Variants in NEGR1 observed in about 807,000 individuals in gnomAD.
NEGR1 encodes the protein IgLON family member 4.
In NEGR1, 10 loss-of-function variants were observed where a neutral mutation model predicts 40.9. That is an observed-to-expected ratio of 0.24 (90% CI 0.15 to 0.42). The LOEUF is 0.42. NEGR1 is among the 10% of genes least tolerant of loss of function. NEGR1 has a pLI of 1.00. For missense variants in NEGR1, 352 were observed against 438.9 expected (o/e 0.80, Z 1.77); for synonymous variants, 185 against 166.8 (o/e 1.11, Z -0.84).
At chr1:71,898,258 T>C (rs1661026533) in intron 2 of NEGR1, among the ~76,000 whole-genome samples, 1 of 152,154 alleles carries the variant, frequency 6.6e-6, no homozygotes, top group Non-Finnish European at 1.5e-5. Flanking sequence ...TTTTTCTTAT[T>C]AATACATTTT....
At chr1:72,101,260 G>C (rs1462890086) in intron 1 of NEGR1, among the ~76,000 whole-genome samples, 1 of 152,072 alleles carries the variant, frequency 6.6e-6, no homozygotes, top group East Asian at 1.9e-4. Flanking sequence ...AAAAACCTAA[G>C]ATTCATCACA....
chr1:71,495,304 C>A (rs530974581), intron 6 of NEGR1, among the ~76,000 whole-genome samples: 29 of 151,838 alleles, frequency 1.9e-4, no homozygotes, highest in Non-Finnish European at 3.8e-4. Context: ...CATGGTGAAA[C>A]CCCATCTCTA....
intron 5 of NEGR1, among the ~76,000 whole-genome samples, chr1:71,594,963 G>C (rs182189962): frequency 6.6e-6 from 1 of 152,188 alleles, no homozygotes; most frequent in Non-Finnish European, 1.5e-5. Context: ...AAATTAACCA[G>C]GGCCTTCAAC....
At chr1:71,981,036 T>G (rs1408746085) in intron 1 of NEGR1, among the ~76,000 whole-genome samples, 2 of 152,158 alleles carry the variant, frequency 1.3e-5, no homozygotes, top group Non-Finnish European at 2.9e-5. Flanking sequence ...CCTCACTACT[T>G]ACAAACCAAA....
chr1:71,629,435 A>G (rs1214028860), intron 4 of NEGR1, among the ~76,000 whole-genome samples: 1 of 151,908 alleles, frequency 6.6e-6, no homozygotes, highest in Non-Finnish European at 1.5e-5. Context: ...TTCCCCTTGA[A>G]GAGGTCCTTC....
chr1:71,564,648 A>T (rs1195129455), intron 6 of NEGR1, among the ~76,000 whole-genome samples: 1 of 152,136 alleles, frequency 6.6e-6, no homozygotes, highest in Non-Finnish European at 1.5e-5. Context: ...TTGATAGTTC[A>T]AAGAAATAAG....
intron 1 of NEGR1, among the ~76,000 whole-genome samples, chr1:72,224,787 A>T (rs887849675): frequency 2.0e-5 from 3 of 151,962 alleles, no homozygotes; most frequent in African/African-American, 7.2e-5. Flanking sequence ...ATATACTTGA[A>T]TTTTTTTGCC....
chr1:71,822,305 T>A (rs532456833), intron 2 of NEGR1, among the ~76,000 whole-genome samples: 2 of 151,904 alleles, frequency 1.3e-5, no homozygotes, highest in Non-Finnish European at 2.9e-5. Context: ...AATGAGAAGA[T>A]CTACGTATTA....
chr1:71,759,919 A>G (rs1000528488), intron 3 of NEGR1, among the ~76,000 whole-genome samples: 2 of 152,026 alleles, frequency 1.3e-5, no homozygotes, highest in African/African-American at 4.8e-5. Context: ...CAAGATAATA[A>G]CTTTTAAACA....
intron 1 of NEGR1, among the ~76,000 whole-genome samples, chr1:71,988,311 G>A (rs1468207347): frequency 1.3e-5 from 2 of 152,178 alleles, no homozygotes; most frequent in South Asian, 4.2e-4. Flanking sequence ...AGGCCGAGGC[G>A]GGTGGATTAT....
chr1:71,442,698 T>G (rs748995330), intron 6 of NEGR1, among the ~76,000 whole-genome samples: 1 of 152,218 alleles, frequency 6.6e-6, no homozygotes, highest in Non-Finnish European at 1.5e-5. Flanking sequence ...TAACAACTTT[T>G]TTAAAGTGCA....
chr1:71,498,504 C>T (rs1362616644), intron 6 of NEGR1, among the ~76,000 whole-genome samples: 1 of 152,138 alleles, frequency 6.6e-6, no homozygotes, highest in East Asian at 1.9e-4. Context: ...TGCTTTACTG[C>T]TACCCTGAGG....
At chr1:72,027,221 C>T (rs564637003) in intron 1 of NEGR1, among the ~76,000 whole-genome samples, 11 of 152,246 alleles carry the variant, frequency 7.2e-5, no homozygotes, top group East Asian at 1.9e-4. Context: ...CCACCGCACC[C>T]GGCCCAAGAC....
At chr1:71,744,917 A>G (rs1023606122) in intron 3 of NEGR1, among the ~76,000 whole-genome samples, 1 of 152,152 alleles carries the variant, frequency 6.6e-6, no homozygotes, top group Non-Finnish European at 1.5e-5. Context: ...ACAGAGAAAA[A>G]TTATGTGGCA....
intron 1 of NEGR1, among the ~76,000 whole-genome samples, chr1:72,017,599 A>G (rs1311620325): frequency 6.6e-6 from 1 of 152,138 alleles, no homozygotes; most frequent in Non-Finnish European, 1.5e-5. Context: ...TCCAACTGGC[A>G]TTATACTGCA....
intron 6 of NEGR1, among the ~76,000 whole-genome samples, chr1:71,460,036 A>G (rs1646702587): frequency 6.6e-6 from 1 of 152,184 alleles, no homozygotes; most frequent in Non-Finnish European, 1.5e-5. Context: ...TAGTGCTATA[A>G]AAGTCAGCAC....
chr1:71,462,024 C>A (rs181009012), intron 6 of NEGR1, among the ~76,000 whole-genome samples: 126 of 152,264 alleles, frequency 8.3e-4, no homozygotes, highest in African/African-American at 2.9e-3. Flanking sequence ...ATTCTAATTA[C>A]TAAATCATAC....
At chr1:71,545,786 T>C (rs1647875343) in intron 6 of NEGR1, among the ~76,000 whole-genome samples, 1 of 151,660 alleles carries the variant, frequency 6.6e-6, no homozygotes, top group Non-Finnish European at 1.5e-5. Flanking sequence ...AGTAGCCCAT[T>C]GAAGCAGAAC....
intron 2 of NEGR1, among the ~76,000 whole-genome samples, chr1:71,865,768 A>G (rs1570445975): frequency 6.6e-6 from 1 of 152,176 alleles, no homozygotes; most frequent in East Asian, 1.9e-4. Context: ...GTAGAATGCC[A>G]TTGCATTCTA....
Sources: allele counts gnomAD v4.1 joint callset (sites outside exome capture counted in the v4.1 genomes callset), GRCh38; gene constraint gnomAD v4.1.1; transcripts MANE v1.5; gene names NCBI Gene and HGNC (gene_info 2026-07-23, HGNC 2026-07-21).